ZYG11A: variants seen among roughly 807,000 people sequenced by gnomAD.
ZYG11A encodes zyg-11 family member A, cell cycle regulator, also known as protein zyg-11 homolog A.
Under a neutral mutation model 77.2 loss-of-function variants are expected in ZYG11A, and 62 were observed. That is an observed-to-expected ratio of 0.80 (90% CI 0.65 to 0.99). The LOEUF (loss-of-function observed/expected upper bound fraction) is 0.99, where lower values mean the gene tolerates loss of function less well. Ranked by LOEUF, ZYG11A falls within the 50% of genes least tolerant of loss-of-function variation. The pLI, the probability that ZYG11A is intolerant of heterozygous loss-of-function variation, is 0.00. For missense variants in ZYG11A, 828 were observed against 896.8 expected (o/e 0.92, Z 0.98); for synonymous variants, 315 against 324.6 (o/e 0.97, Z 0.32).
intron 1 of ZYG11A, among the ~76,000 whole-genome samples, chr1:52,853,774 G>A (rs913766673): frequency 6.6e-6 from 1 of 152,114 alleles, no homozygotes; most frequent in Non-Finnish European, 1.5e-5. Context: ...TGGGCATGGT[G>A]GCATGGGCTT....
chr1:52,885,699 A>G (rs1245119207), intron 11 of ZYG11A, 134 bp from the exon 12 acceptor site: 12 of 645,310 alleles, frequency 1.9e-5, no homozygotes, highest in Admixed American at 3.2e-5. Flanking sequence ...TTGTGTGTAT[A>G]TAATCGTTAT....
chr1:52,862,881 T>C (rs1202978183), intron 4 of ZYG11A, among the ~76,000 whole-genome samples: 2 of 152,118 alleles, frequency 1.3e-5, no homozygotes, highest in Non-Finnish European at 2.9e-5. Context: ...CCTCCTGGGC[T>C]CAAGTGATCC....
intron 1 of ZYG11A, among the ~76,000 whole-genome samples, chr1:52,846,776 A>G (rs997437466): frequency 6.6e-6 from 1 of 152,030 alleles, no homozygotes. Flanking sequence ...ATATAACCCA[A>G]TTTTTAAGAG....
chr1:52,865,870 G>A, intron 5 of ZYG11A, among the ~76,000 whole-genome samples: 1 of 151,860 alleles, frequency 6.6e-6, no homozygotes, highest in Non-Finnish European at 1.5e-5. Context: ...CTTGATTGTA[G>A]GAGTGGTTAC....
In ZYG11A at chr1:52,892,983, C is replaced by T; in HGVS notation, c.*26C>T. 1.9e-6 allele frequency: 3 copies of T among 1,542,330 alleles called. No homozygotes were observed. The highest frequency in any genetic ancestry group is 1.8e-6 in the Non-Finnish European group (2 of 1,140,566). On this transcript the variant is annotated 3_prime_UTR_variant, in exon 14 of 14. Coordinates refer to ENST00000371528, the MANE Select transcript of ZYG11A (RefSeq NM_001004339.3). ...ACCTAAGGAATTTCAGAGGTGTGTG[C>T]TCTTCCTCAATGTCAGGTGTTCTGC...
intron 1 of ZYG11A, among the ~76,000 whole-genome samples, chr1:52,853,139 A>C (rs2149990754): frequency 6.6e-6 from 1 of 152,322 alleles, no homozygotes; most frequent in Admixed American, 6.5e-5. Context: ...TTGGTTGTTT[A>C]CCCTTGTGAT....
At position 52,894,754 on chromosome 1, in the gene ZYG11A, T is replaced by G. The variant is rs1031641638; in HGVS notation, c.*1797T>G. ...TTTGTAACCTTACTTCCTTCCATAG[T>G]CCTTAAACTGTACTGTATTTTTTCA... is the stretch of plus-strand genomic sequence containing the variant. On this transcript the variant is annotated 3_prime_UTR_variant, in exon 14 of 14. Transcript: ENST00000371528. 5 of 152,224 alleles carry G rather than the reference T, an allele frequency of 3.3e-5. No homozygotes were observed. The highest frequency in any genetic ancestry group is 1.2e-4 in the African/African-American group (5 of 41,440). The allele number at this position is 152,224 out of a possible 1,614,324, so 9.4% of individuals were successfully genotyped here.
intron 2 of ZYG11A, among the ~76,000 whole-genome samples, 183 bp from the exon 3 acceptor site, chr1:52,856,815 A>C (rs1645821455): frequency 6.6e-6 from 1 of 152,228 alleles, no homozygotes; most frequent in African/African-American, 2.4e-5. Context: ...CCTTTATAGT[A>C]TTAATGCAAA....
intron 8 of ZYG11A, among the ~76,000 whole-genome samples, chr1:52,874,396 C>T (rs1445076610): frequency 6.6e-6 from 1 of 151,812 alleles, no homozygotes; most frequent in African/African-American, 2.4e-5. Flanking sequence ...AGGTGCATAT[C>T]ACTACACCCA....
chr1:52,887,031 G>T lies in ZYG11A; in HGVS notation c.2082G>T (p.Met694Ile). 1 of 1,540,832 alleles carries T rather than the reference G, an allele frequency of 6.5e-7. No individual in the cohort carries two copies. The highest frequency in any genetic ancestry group is 1.4e-5 in the African/African-American group (1 of 72,854). Residue 694 changes from methionine (M) to isoleucine (I), a missense_variant, in exon 13 of 14, where the codon ATG (methionine) becomes ATT (isoleucine). Transcript: ENST00000371528. ...TTCAGCTCTGGGCACTATGGGCTAT[G>T]TATCATGTCTGCAGTAAAAATCGTA... ...PEVQLWALWA[M>I]YHVCSKNPSK... is the part of the protein sequence containing the mutation.
In ZYG11A at chr1:52,857,340, A is replaced by C. The variant is rs1192617113; in HGVS notation, c.599A>C (p.Asn200Thr). 6.4e-7 allele frequency: 1 copy of C among 1,551,856 alleles called. No individual in the cohort carries two copies. The highest frequency in any genetic ancestry group is 2.0e-5 in the Admixed American group (1 of 50,990). Residue 200 changes from asparagine (N) to threonine (T), a missense_variant, in exon 3 of 14, where the codon AAT (asparagine) becomes ACT (threonine). Asn to Thr is a moderately conservative substitution (Grantham distance 65). Coordinates refer to ENST00000371528, the MANE Select transcript of ZYG11A (RefSeq NM_001004339.3). Reference sequence around the variant, plus strand: ...TGTTTTCATACTGAAGACCTGGCTAATGTTTCTCAGTTACCAAGACTGGAA... The same window carrying C: ...TGTTTTCATACTGAAGACCTGGCTACTGTTTCTCAGTTACCAAGACTGGAA... Reference protein sequence around the residue: ...NVCFHTEDLANVSQLPRLESL... With the variant: ...NVCFHTEDLATVSQLPRLESL...
Position 52,884,510 on chromosome 1 carries a change from C to T in ZYG11A, c.1945-1323C>T, listed in dbSNP as rs563504150. Among the ~76,000 whole-genome samples the T allele has an allele frequency of 8.5e-4, 124 of 145,320 alleles. 1 individual carries two copies. Among genetic ancestry groups the T allele is most frequent in the African/African-American group, 3.0e-3 (119 of 39,504 alleles). On this transcript the variant is annotated intron_variant, in intron 11 of 13. Transcript: ENST00000371528. Reference sequence around the variant, plus strand: ...GACTGCCTCAAAAAAAAAAAAAAGCCGGGCGTGGTGGTGGGCACCTGTAAT... The same window carrying T: ...GACTGCCTCAAAAAAAAAAAAAAGCTGGGCGTGGTGGTGGGCACCTGTAAT...
intron 4 of ZYG11A, among the ~76,000 whole-genome samples, chr1:52,862,236 A>C (rs2150000078): frequency 6.6e-6 from 1 of 151,544 alleles, no homozygotes; most frequent in South Asian, 2.1e-4. Flanking sequence ...TTAGGTGGGC[A>C]TGGTTGTACA....
chr1:52,889,201 C>T (rs994648182), intron 13 of ZYG11A, among the ~76,000 whole-genome samples: 1 of 151,672 alleles, frequency 6.6e-6, no homozygotes. Flanking sequence ...TGAAGTGCAG[C>T]GGCTTGATCA....
chr1:52,870,204 G>A (rs900855085), intron 8 of ZYG11A, among the ~76,000 whole-genome samples: 7 of 65,466 alleles, frequency 1.1e-4, no homozygotes, highest in African/African-American at 2.0e-4. Context: ...GGGAAGAGAC[G>A]CTCGTCACTT....
intron 1 of ZYG11A, among the ~76,000 whole-genome samples, chr1:52,850,439 C>T (rs1271990293): frequency 6.6e-6 from 1 of 152,014 alleles, no homozygotes; most frequent in Non-Finnish European, 1.5e-5. Flanking sequence ...CTGCCTCAGC[C>T]TCCCAAATAG....
At chr1:52,856,518 T>C (rs545684833) in intron 2 of ZYG11A, among the ~76,000 whole-genome samples, 1 of 151,962 alleles carries the variant, frequency 6.6e-6, no homozygotes, top group South Asian at 2.1e-4. Context: ...CCATTCGTTT[T>C]ACAGATGAGG....
At chr1:52,859,640 C>A (rs1230783144) in intron 3 of ZYG11A, among the ~76,000 whole-genome samples, 1 of 62,036 alleles carries the variant, frequency 1.6e-5, no homozygotes, top group African/African-American at 5.6e-5. Flanking sequence ...CAGCTGGGCT[C>A]TTTATTTTTA....
Position 52,885,817 on chromosome 1 carries a change from CTT to C in ZYG11A, c.1945-15_1945-14del, listed in dbSNP as rs199644666. The stretch of plus-strand genomic sequence containing the variant: ...ATTATTCAAATGTTGGTTTCTCTCT[CTT>C]GTTTTTGGAGTAGCATGCAACCATA... On this transcript the variant is annotated splice_polypyrimidine_tract_variant and intron_variant, in intron 11 of 13. Transcript: ENST00000371528. The C allele has an allele frequency of 6.5e-4, 993 of 1,518,738 alleles. 10 individuals are homozygous for C. In the Admixed American group the frequency reaches 0.016, roughly 25 times the overall value. 94.1% of individuals were successfully genotyped at this position (1,518,738 alleles called of 1,614,324 possible). A position where few individuals can be genotyped will look rare whatever the true frequency, so the allele number is the denominator to read the frequency against.
Sources: allele counts gnomAD v4.1 joint callset (sites outside exome capture counted in the v4.1 genomes callset), GRCh38; gene constraint gnomAD v4.1.1; transcripts MANE v1.5; gene names NCBI Gene and HGNC (gene_info 2026-07-23, HGNC 2026-07-21).